Variants in NFASC observed in about 807,000 individuals in gnomAD.
NFASC encodes neurofascin homolog.
Under a neutral mutation model 147.5 loss-of-function variants are expected in NFASC, and 43 were observed. The ratio of observed to expected loss-of-function variants is 0.29; its 90% CI spans 0.23 to 0.38. The LOEUF is 0.38. Ranked by LOEUF, NFASC falls within the 10% of genes least tolerant of loss-of-function variation. The pLI, the probability that NFASC is intolerant of heterozygous loss-of-function variation, is 1.00. For synonymous variants in NFASC, 622 were observed against 665.5 expected (o/e 0.93, Z 1.01); for missense variants, 1,320 against 1,689.0 (o/e 0.78, Z 3.83).
At position 205,012,885 on chromosome 1, in the gene NFASC, C is replaced by T. The variant is rs2096278678; in HGVS notation, c.3491+19C>T. ...ACTATAGGTGCGTGATCTCCCTCCT[C>T]CTCTCTCAGGCAGGCTGTCCTCCCT... On this transcript the variant is annotated intron_variant, in intron 29 of 29. Transcript: ENST00000339876. The T allele has an allele frequency of 1.9e-6, 3 of 1,591,420 alleles. No individual in the cohort carries two copies. The highest frequency in any genetic ancestry group is 1.7e-6 in the Non-Finnish European group (2 of 1,159,280).
At chr1:204,992,816 T>C (rs2095764705) in intron 24 of NFASC, among the ~76,000 whole-genome samples, 1 of 152,162 alleles carries the variant, frequency 6.6e-6, no homozygotes, top group South Asian at 2.1e-4. Context: ...TCTTGTTCAG[T>C]GGGCATCTGT....
intron 2 of NFASC, among the ~76,000 whole-genome samples, chr1:204,927,913 G>A (rs865894220): frequency 6.6e-6 from 1 of 152,234 alleles, no homozygotes; most frequent in Non-Finnish European, 1.5e-5. Context: ...CAGACAGGGA[G>A]CCAAGGCAAG....
At chr1:204,915,709 C>CT (rs1351069562) in intron 1 of NFASC, among the ~76,000 whole-genome samples, 1 of 152,148 alleles carries the variant, frequency 6.6e-6, no homozygotes, top group Non-Finnish European at 1.5e-5. Flanking sequence ...TGAGCACAGT[C>CT]TAAATATTCA....
At chr1:204,910,379 T>C (rs766813848) in intron 1 of NFASC, among the ~76,000 whole-genome samples, 2 of 152,202 alleles carry the variant, frequency 1.3e-5, no homozygotes, top group African/African-American at 2.4e-5. Context: ...CATATAGAGA[T>C]AGTTGATTAA....
intron 1 of NFASC, among the ~76,000 whole-genome samples, chr1:204,859,516 A>G (rs547773225): frequency 1.3e-5 from 2 of 152,312 alleles, no homozygotes; most frequent in Admixed American, 1.3e-4. Context: ...AGTGCCACAT[A>G]GTGGGTGCCC....
intron 1 of NFASC, among the ~76,000 whole-genome samples, chr1:204,913,926 C>T (rs1381868306): frequency 6.7e-6 from 1 of 150,000 alleles, no homozygotes; most frequent in Non-Finnish European, 1.5e-5. Flanking sequence ...AGAAATTAAA[C>T]CACAGAAATG....
Position 204,968,811 on chromosome 1 carries a change from A to G in NFASC, c.832A>G (p.Ile278Val), listed in dbSNP as rs775844588. 5 of 1,613,204 alleles carry G rather than the reference A, an allele frequency of 3.1e-6. No individual in the cohort carries two copies. The Middle Eastern group carries it at 5.4e-4, about 173-fold the overall frequency. The change falls in exon 10 of 30, where the codon ATC (isoleucine) becomes GTC (valine). Residue 278 changes from isoleucine (I) to valine (V), a missense_variant. Transcript: ENST00000339876. The surrounding 1 kb of genome is among the most constrained non-coding windows in gnomAD (Gnocchi z 5.4). ...CGCCTCTCCTAGCCCAACACCAGAC[A>G]TCGCATGGTACAAGAAAGGTGGGGA... ...CIASGVPTPD[I>V]AWYKKGGDLP...
chr1:204,903,135 C>T (rs1208208420), intron 1 of NFASC, among the ~76,000 whole-genome samples: 2 of 152,218 alleles, frequency 1.3e-5, no homozygotes, highest in Non-Finnish European at 2.9e-5. Context: ...CCTACCCCCA[C>T]AAGTTTTGAC....
intron 1 of NFASC, among the ~76,000 whole-genome samples, chr1:204,840,204 A>C (rs1044573335): frequency 1.3e-5 from 2 of 152,168 alleles, no homozygotes; most frequent in African/African-American, 4.8e-5. Flanking sequence ...CCCATCTGCA[A>C]ACTGCACTTT....
intron 23 of NFASC, among the ~76,000 whole-genome samples, 181 bp from the exon 24 acceptor site, chr1:204,991,111 C>T (rs3820336): frequency 0.057 from 8,616 of 152,330 alleles, 371 homozygotes; most frequent in South Asian, 0.16. Flanking sequence ...GACCGTGAAC[C>T]CTGAATGCCA....
chr1:204,921,112 G>T (rs572498432), intron 2 of NFASC, among the ~76,000 whole-genome samples: 9 of 152,290 alleles, frequency 5.9e-5, no homozygotes, highest in African/African-American at 1.9e-4. Context: ...TGACAGCCCT[G>T]GCATATGGGA....
chr1:205,016,547 C>T lies in NFASC; in HGVS notation c.*8C>T, dbSNP rs374541621. On this transcript the variant is annotated 3_prime_UTR_variant, in exon 30 of 30. Coordinates refer to ENST00000339876, the MANE Select transcript of NFASC (RefSeq NM_001005388.3). The surrounding 1 kb of genome is among the most constrained non-coding windows in gnomAD (Gnocchi z 5.1). Reference sequence around the variant, plus strand: ...ATCTACTCTCTGGCCTAACGGAGCCCACCCAGGCACAGCCACCACTTTGCA... The same window carrying T: ...ATCTACTCTCTGGCCTAACGGAGCCTACCCAGGCACAGCCACCACTTTGCA... The T allele has an allele frequency of 4.4e-6, 7 of 1,599,752 alleles. No homozygotes were observed. In the African/African-American group the frequency reaches 6.7e-5, roughly 15 times the overall value.
chr1:205,013,307 G>A (rs1280339518), intron 29 of NFASC, among the ~76,000 whole-genome samples: 1 of 152,178 alleles, frequency 6.6e-6, no homozygotes, highest in Non-Finnish European at 1.5e-5. Context: ...ATGACCCTGG[G>A]AGGCTGTGAT....
chr1:205,009,855 G>A, intron 28 of NFASC, 167 bp downstream of exon 28: 1 of 747,300 alleles, frequency 1.3e-6, no homozygotes, highest in Non-Finnish European at 2.2e-6. Flanking sequence ...CTGCCAGCGA[G>A]CACTTGAGTT....
In NFASC at chr1:205,016,908, G is replaced by A. The variant is rs1052212503; in HGVS notation, c.*369G>A. Reference sequence around the variant, plus strand: ...CGGGACTTCTCATTGTCTTAATTTCGCTTTGTGCATCTTCCCCTCCAGACC... The same window carrying A: ...CGGGACTTCTCATTGTCTTAATTTCACTTTGTGCATCTTCCCCTCCAGACC... On this transcript the variant is annotated 3_prime_UTR_variant, in exon 30 of 30. Coordinates refer to ENST00000339876, the MANE Select transcript of NFASC (RefSeq NM_001005388.3). The surrounding 1 kb of genome is among the most constrained non-coding windows in gnomAD (Gnocchi z 5.1). The A allele has an allele frequency of 1.1e-5, 4 of 352,166 alleles. No homozygotes were observed. Among genetic ancestry groups the A allele is most frequent in the Admixed American group, 3.7e-5 (1 of 26,686 alleles). 21.8% of individuals were successfully genotyped at this position (352,166 alleles called of 1,614,324 possible).
intron 21 of NFASC, among the ~76,000 whole-genome samples, chr1:204,984,626 C>T (rs1269877065): frequency 6.7e-6 from 1 of 149,162 alleles, no homozygotes; most frequent in Non-Finnish European, 1.5e-5. Context: ...TCTCCTAAGC[C>T]ACAACTAACA....
intron 1 of NFASC, among the ~76,000 whole-genome samples, chr1:204,903,507 T>C (rs887028380): frequency 9.2e-5 from 14 of 152,174 alleles, no homozygotes; most frequent in Non-Finnish European, 1.6e-4. Flanking sequence ...TTGTGGGGTG[T>C]CCCCCTCAGC....
chr1:204,925,674 C>T (rs2091366334), intron 2 of NFASC, among the ~76,000 whole-genome samples: 1 of 152,202 alleles, frequency 6.6e-6, no homozygotes, highest in South Asian at 2.1e-4. Context: ...TACAGTCTTG[C>T]CCCTCTTTCT....
chr1:204,863,365 A>G (rs2076825748), intron 1 of NFASC, among the ~76,000 whole-genome samples: 2 of 152,252 alleles, frequency 1.3e-5, no homozygotes, highest in Non-Finnish European at 2.9e-5. Flanking sequence ...ATTTGACAGC[A>G]AAGCAGTGAA....
Sources: allele counts gnomAD v4.1 joint callset (sites outside exome capture counted in the v4.1 genomes callset), GRCh38; gene constraint gnomAD v4.1.1; non-coding constraint Gnocchi (gnomAD v3.1); transcripts MANE v1.5; gene names NCBI Gene and HGNC (gene_info 2026-07-23, HGNC 2026-07-21).